Variants in PPM1H observed in about 807,000 individuals in gnomAD.
PPM1H encodes protein phosphatase 1H.
A neutral mutation model predicts 54.9 loss-of-function variants in PPM1H; 27 were observed. The observed-to-expected ratio is 0.49, with a 90% CI of 0.36 to 0.68. PPM1H has a LOEUF of 0.68. Ranked by LOEUF, PPM1H falls within the 30% of genes least tolerant of loss-of-function variation. The pLI is 0.00. For missense variants in PPM1H, 596 were observed against 667.8 expected, an observed-to-expected ratio of 0.89 and a Z score of 1.19; for synonymous variants, 305 against 270.8, an observed-to-expected ratio of 1.13 and a Z score of -1.24.
At position 62,645,405 on chromosome 12, in the gene PPM1H, A is replaced by G. The variant is rs1164525035; in HGVS notation, c.*3084T>C. ...ACTGTGGAAAATAACTGAAATTTCC[A>G]CTGCTTAAGGCTTCATCCTATTAAG... On this transcript the variant is annotated 3_prime_UTR_variant, in exon 10 of 10. Transcript: ENST00000228705. 6.6e-6 allele frequency: 1 copy of G among 152,244 alleles called. No homozygotes were observed. Among genetic ancestry groups the G allele is most frequent in the East Asian group, 1.9e-4 (1 of 5,190 alleles). The allele number at this position is 152,244 out of a possible 1,614,324, so 9.4% of individuals were successfully genotyped here.
chr12:62,721,690 A>T (rs1262109715), intron 5 of PPM1H, among the ~76,000 whole-genome samples: 3 of 152,168 alleles, frequency 2.0e-5, no homozygotes, highest in Non-Finnish European at 4.4e-5. Flanking sequence ...TTGGGTGTGA[A>T]TCCAAGCTCT....
chr12:62,934,838 G>C lies in PPM1H; in HGVS notation c.-102C>G. Reference sequence around the variant, plus strand: ...GGCTGCGGTGGGCGCCGGGCGCACGGCGAGTCGGGCCACTGGGACGCGCCG... The same window carrying C: ...GGCTGCGGTGGGCGCCGGGCGCACGCCGAGTCGGGCCACTGGGACGCGCCG... On this transcript the variant is annotated 5_prime_UTR_variant, in exon 1 of 10. Coordinates refer to ENST00000228705, the MANE Select transcript of PPM1H (RefSeq NM_020700.2). This position sits in a 1 kb window ranked among gnomAD's most constrained non-coding sequence, Gnocchi z 4.2. The C allele has an allele frequency of 8.5e-7, 1 of 1,175,292 alleles. No individual in the cohort carries two copies. The highest frequency in any genetic ancestry group is 1.1e-6 in the Non-Finnish European group (1 of 930,910). 72.8% of individuals were successfully genotyped at this position (1,175,292 alleles called of 1,614,324 possible).
intron 1 of PPM1H, among the ~76,000 whole-genome samples, chr12:62,921,302 A>G (rs1871792525): frequency 1.3e-5 from 2 of 152,326 alleles, no homozygotes; most frequent in East Asian, 1.9e-4. Flanking sequence ...AAAAGATCAC[A>G]GGGTAAAGAT....
Position 62,906,191 on chromosome 12 carries a change from C to A in PPM1H, c.245+28301G>T, listed in dbSNP as rs550191233. ...CTGTAATTGTGGAAATGTACTAGTACTATATTACTGTAGAAAAGTCTCAAA... is the reference window on the plus strand; with the variant it reads ...CTGTAATTGTGGAAATGTACTAGTAATATATTACTGTAGAAAAGTCTCAAA... On this transcript the variant is annotated intron_variant, in intron 1 of 9. Transcript: ENST00000228705. Among the ~76,000 whole-genome samples, 171 of 152,240 alleles carry A rather than the reference C, an allele frequency of 1.1e-3. 1 individual carries two copies. Among genetic ancestry groups the A allele is most frequent in the African/African-American group, 3.8e-3 (158 of 41,546 alleles).
chr12:62,899,219 G>T (rs1481010393), intron 1 of PPM1H, among the ~76,000 whole-genome samples: 1 of 151,810 alleles, frequency 6.6e-6, no homozygotes, highest in East Asian at 1.9e-4. Flanking sequence ...TTAGCTATCT[G>T]ACAGCCTGGG....
At chr12:62,702,100 A>C (rs2076146985) in intron 6 of PPM1H, among the ~76,000 whole-genome samples, 1 of 152,204 alleles carries the variant, frequency 6.6e-6, no homozygotes, top group African/African-American at 2.4e-5. Context: ...CTTAATAGCT[A>C]GCTTTTCTAT....
chr12:62,656,643 G>T (rs1305056365), intron 9 of PPM1H, among the ~76,000 whole-genome samples: 1 of 152,182 alleles, frequency 6.6e-6, no homozygotes, highest in Non-Finnish European at 1.5e-5. Flanking sequence ...AGGGTGAGTA[G>T]TGGCAGGAAC....
chr12:62,797,107 A>AT (rs2076738706), intron 3 of PPM1H, among the ~76,000 whole-genome samples: 1 of 152,156 alleles, frequency 6.6e-6, no homozygotes, highest in African/African-American at 2.4e-5. Flanking sequence ...AGACAAACAG[A>AT]TGGAGACAGA....
At chr12:62,815,911 C>A (rs1378077287) in intron 2 of PPM1H, among the ~76,000 whole-genome samples, 1 of 151,978 alleles carries the variant, frequency 6.6e-6, no homozygotes, top group Non-Finnish European at 1.5e-5. Flanking sequence ...AGAAAATGGA[C>A]TATAAAGAGA....
At chr12:62,847,483 G>A (rs1869017875) in intron 1 of PPM1H, among the ~76,000 whole-genome samples, 1 of 152,190 alleles carries the variant, frequency 6.6e-6, no homozygotes, top group Non-Finnish European at 1.5e-5. Flanking sequence ...TATACTGCAG[G>A]CAGTCAAGTA....
intron 5 of PPM1H, among the ~76,000 whole-genome samples, chr12:62,724,111 CCT>C (rs1399368691): frequency 6.6e-6 from 1 of 152,168 alleles, no homozygotes; most frequent in African/African-American, 2.4e-5. Flanking sequence ...TACCCCTACC[CCT>C]GAGTTTATTA....
At chr12:62,653,932 A>G (rs940739512) in intron 9 of PPM1H, among the ~76,000 whole-genome samples, 3 of 152,074 alleles carry the variant, frequency 2.0e-5, no homozygotes, top group African/African-American at 7.2e-5. Context: ...GGCACCAGGG[A>G]AATGCAGTCT....
chr12:62,828,334 T>C (rs768811025), intron 2 of PPM1H, among the ~76,000 whole-genome samples: 4 of 152,216 alleles, frequency 2.6e-5, no homozygotes, highest in Admixed American at 1.3e-4. Flanking sequence ...CTTTACAGTA[T>C]TTCTGCTCCA....
chr12:62,865,553 C>T (rs77528699), intron 1 of PPM1H, among the ~76,000 whole-genome samples: 2 of 152,142 alleles, frequency 1.3e-5, no homozygotes, highest in South Asian at 4.1e-4. Flanking sequence ...AAAATCTCTT[C>T]TAGATTATTA....
chr12:62,714,716 C>T (rs912201354), intron 6 of PPM1H, among the ~76,000 whole-genome samples: 2 of 152,184 alleles, frequency 1.3e-5, no homozygotes, highest in Non-Finnish European at 2.9e-5. Flanking sequence ...CCAAGTCAAG[C>T]ATGTGATCTC....
intron 5 of PPM1H, among the ~76,000 whole-genome samples, chr12:62,722,114 G>A (rs1003230971): frequency 1.3e-5 from 2 of 151,962 alleles, no homozygotes; most frequent in Non-Finnish European, 2.9e-5. Context: ...CATGAAGCTC[G>A]TCATGCCTAC....
chr12:62,813,649 G>A (rs896115750), intron 2 of PPM1H, among the ~76,000 whole-genome samples: 1 of 152,188 alleles, frequency 6.6e-6, no homozygotes, highest in African/African-American at 2.4e-5. Flanking sequence ...TGTCAGAGCT[G>A]GCACTTGATA....
intron 1 of PPM1H, among the ~76,000 whole-genome samples, chr12:62,853,197 G>C (rs578074412): frequency 5.9e-5 from 9 of 152,120 alleles, no homozygotes; most frequent in African/African-American, 1.9e-4. Flanking sequence ...AGGTGATTCA[G>C]ACTGAAATAT....
intron 4 of PPM1H, among the ~76,000 whole-genome samples, chr12:62,742,151 G>A (rs1334913176): frequency 6.6e-6 from 1 of 152,184 alleles, no homozygotes; most frequent in Non-Finnish European, 1.5e-5. Context: ...CACACACAAT[G>A]AGGTATCTGC....
Sources: gnomAD v4.1 joint callset for allele counts (sites outside exome capture counted in the v4.1 genomes callset) on GRCh38, gnomAD v4.1.1 for gene constraint, Gnocchi (gnomAD v3.1) non-coding constraint, MANE v1.5 for transcripts, NCBI Gene and HGNC (gene_info 2026-07-23, HGNC 2026-07-21) for gene names.